Variants in PCDHGA7 observed in about 807,000 individuals in gnomAD.
PCDHGA7 encodes protocadherin gamma-A7.
Under a neutral mutation model 58.3 loss-of-function variants are expected in PCDHGA7, and 44 were observed. The observed-to-expected ratio is 0.75, with a 90% CI of 0.59 to 0.97. The LOEUF is 0.97. Ranked by LOEUF, PCDHGA7 falls within the 50% of genes least tolerant of loss-of-function variation. The pLI, the probability that PCDHGA7 is intolerant of heterozygous loss-of-function variation, is 0.00. For missense variants in PCDHGA7, 1,266 were observed against 1,188.7 expected, an observed-to-expected ratio of 1.06 and a Z score of -0.96; for synonymous variants, 516 against 504.2, an observed-to-expected ratio of 1.02 and a Z score of -0.31.
intron 1 of PCDHGA7, chr5:141,420,165 C>T: frequency 6.2e-7 from 1 of 1,614,022 alleles, no homozygotes; most frequent in South Asian, 1.1e-5. Flanking sequence ...AATTTTTTCA[C>T]ATCTGTTGAT....
intron 1 of PCDHGA7, chr5:141,399,769 G>A (rs369379702): frequency 2.6e-5 from 42 of 1,613,216 alleles, no homozygotes; most frequent in Non-Finnish European, 3.5e-5. Flanking sequence ...GCGCGTGTTG[G>A]TGGGCGACCG....
chr5:141,470,791 A>G (rs1234712958), intron 1 of PCDHGA7, among the ~76,000 whole-genome samples: 3 of 152,152 alleles, frequency 2.0e-5, no homozygotes, highest in African/African-American at 7.2e-5. Context: ...GGGCTCAAGC[A>G]ATCCTCCCAC....
chr5:141,418,759 C>T (rs527475797), intron 1 of PCDHGA7: 17 of 1,613,898 alleles, frequency 1.1e-5, no homozygotes, highest in Non-Finnish European at 1.4e-5. Flanking sequence ...CTACAGGAAA[C>T]ATTCTAACTC....
chr5:141,406,662 AT>A (rs2094837131), intron 1 of PCDHGA7, among the ~76,000 whole-genome samples: 1 of 152,208 alleles, frequency 6.6e-6, no homozygotes, highest in African/African-American at 2.4e-5. Flanking sequence ...TTAATGTTAA[AT>A]TATGGAGAAT....
chr5:141,388,636 T>G, intron 1 of PCDHGA7: 1 of 1,613,918 alleles, frequency 6.2e-7, no homozygotes. Context: ...AGGGTGAGCC[T>G]TTCAGAAAAC....
intron 1 of PCDHGA7, among the ~76,000 whole-genome samples, chr5:141,433,761 T>G (rs2154555909): frequency 6.7e-6 from 1 of 148,664 alleles, no homozygotes; most frequent in Admixed American, 6.8e-5. Context: ...TGCTTTAACC[T>G]GGGAGGTGGA....
At chr5:141,389,338 T>C in intron 1 of PCDHGA7, 1 of 1,613,982 alleles carries the variant, frequency 6.2e-7, no homozygotes, top group South Asian at 1.1e-5. Flanking sequence ...AACGGCCAAG[T>C]CTCTTACTGC....
At chr5:141,413,592 A>G in intron 1 of PCDHGA7, 1 of 1,613,916 alleles carries the variant, frequency 6.2e-7, no homozygotes, top group Non-Finnish European at 8.5e-7. Context: ...AATTCCAAGC[A>G]GAAAATCTAG....
At chr5:141,389,032 A>C in intron 1 of PCDHGA7, 1 of 1,613,974 alleles carries the variant, frequency 6.2e-7, no homozygotes, top group Non-Finnish European at 8.5e-7. Flanking sequence ...GTGACTTGTA[A>C]ATTGGAAGGT....
chr5:141,405,410 TTTTTGTTTTTTG>T lies in PCDHGA7; in HGVS notation c.2424+20097_2424+20108del, dbSNP rs1345529499. 4 of 1,557,296 alleles carry T rather than the reference TTTTTGTTTTTTG, an allele frequency of 2.6e-6. No individual in the cohort carries two copies. In the South Asian group the frequency reaches 4.6e-5, roughly 18 times the overall value. ...ATTTTTTTTCTTTCTTTCTTTTCTT[TTTTTGTTTTTTG>T]TTTTGTTTTGTTTTTGAGACAGAGT... On this transcript the variant is annotated intron_variant, in intron 1 of 3. Transcript: ENST00000518325.
chr5:141,462,354 C>T (rs1157515386), intron 1 of PCDHGA7, among the ~76,000 whole-genome samples: 1 of 152,162 alleles, frequency 6.6e-6, no homozygotes, highest in Non-Finnish European at 1.5e-5. Flanking sequence ...CAAAAATATA[C>T]ATTGTATAGT....
At position 141,432,297 on chromosome 5, in the gene PCDHGA7, T is replaced by C. The variant is rs1339659774; in HGVS notation, c.2424+46974T>C. 3.1e-6 allele frequency: 5 copies of C among 1,614,040 alleles called. No individual in the cohort carries two copies. The highest frequency in any genetic ancestry group is 1.7e-5 in the Admixed American group (1 of 60,006). ...GTGTCCATCAACTCCGACACTGGGG[T>C]ACTGTATGCGCTGAGCTCCTTCGAC... On this transcript the variant is annotated intron_variant, in intron 1 of 3. Transcript: ENST00000518325. This position sits in a 1 kb window ranked among gnomAD's most constrained non-coding sequence, Gnocchi z 6.0.
Position 141,489,784 on chromosome 5 carries a change from G to A in PCDHGA7, c.2425-5023G>A. 1 of 1,614,218 alleles carries A rather than the reference G, an allele frequency of 6.2e-7. No individual in the cohort carries two copies. Among genetic ancestry groups the A allele is most frequent in the Non-Finnish European group, 8.5e-7 (1 of 1,180,010 alleles). On this transcript the variant is annotated intron_variant, in intron 1 of 3. Transcript: ENST00000518325. This position sits in a 1 kb window ranked among gnomAD's most constrained non-coding sequence, Gnocchi z 4.5. ...CCCCAACAGCCACTTCTCTCTGAAT[G>A]TGAAGACCCTAAAAGATGGGAAGCC...
chr5:141,433,223 T>C lies in PCDHGA7; in HGVS notation c.2424+47900T>C, dbSNP rs2097577369. On this transcript the variant is annotated intron_variant, in intron 1 of 3. Coordinates refer to ENST00000518325, the MANE Select transcript of PCDHGA7 (RefSeq NM_018920.4). The stretch of plus-strand genomic sequence containing the variant: ...AATCTTCTTTCTTTTTTTTTTTTAA[T>C]TGCTCTGTCTCCCAAGCTGGAATGC... The C allele has an allele frequency of 4.6e-6, 7 of 1,525,952 alleles. No individual in the cohort carries two copies. In the East Asian group the frequency reaches 1.6e-4, roughly 34 times the overall value. The allele number at this position is 1,525,952 out of a possible 1,614,324, so 94.5% of individuals were successfully genotyped here. A position where few individuals can be genotyped will look rare whatever the true frequency, so the allele number is the denominator to read the frequency against.
intron 1 of PCDHGA7, chr5:141,422,092 G>T: frequency 6.2e-7 from 1 of 1,611,520 alleles, no homozygotes; most frequent in Non-Finnish European, 8.5e-7. Context: ...GGAAAGCAAG[G>T]CTTCTGAAAT....
intron 1 of PCDHGA7, chr5:141,394,857 G>A: frequency 6.2e-7 from 1 of 1,613,832 alleles, no homozygotes; most frequent in Non-Finnish European, 8.5e-7. Context: ...GAAGCCTTCG[G>A]TCGACCCGAA....
Position 141,477,554 on chromosome 5 carries a change from A to T in PCDHGA7, c.2425-17253A>T. The T allele has an allele frequency of 6.2e-7, 1 of 1,614,112 alleles. No homozygotes were observed. Among genetic ancestry groups the T allele is most frequent in the South Asian group, 1.1e-5 (1 of 91,086 alleles). Reference sequence around the variant, plus strand: ...CCCCGGGGCTCCAATACTAAACCTAAGTGTCTGGGACCCCGACGCCCCGCA... The same window carrying T: ...CCCCGGGGCTCCAATACTAAACCTATGTGTCTGGGACCCCGACGCCCCGCA... On this transcript the variant is annotated intron_variant, in intron 1 of 3. Transcript: ENST00000518325. This position sits in a 1 kb window ranked among gnomAD's most constrained non-coding sequence, Gnocchi z 4.9.
Position 141,431,449 on chromosome 5 carries a change from G to A in PCDHGA7, c.2424+46126G>A. Reference sequence around the variant, plus strand: ...GCACAGGCACCGCGCGCATCCGCGTGATGGTTCTGGATGCGAACGACAACG... The same window carrying A: ...GCACAGGCACCGCGCGCATCCGCGTAATGGTTCTGGATGCGAACGACAACG... On this transcript the variant is annotated intron_variant, in intron 1 of 3. Coordinates refer to ENST00000518325, the MANE Select transcript of PCDHGA7 (RefSeq NM_018920.4). The surrounding 1 kb of genome is among the most constrained non-coding windows in gnomAD (Gnocchi z 4.8). The A allele has an allele frequency of 6.2e-7, 1 of 1,613,742 alleles. No individual in the cohort carries two copies. Among genetic ancestry groups the A allele is most frequent in the South Asian group, 1.1e-5 (1 of 91,082 alleles).
In PCDHGA7 at chr5:141,414,101, A is replaced by G. The variant is rs759223225; in HGVS notation, c.2424+28778A>G. On this transcript the variant is annotated intron_variant, in intron 1 of 3. Transcript: ENST00000518325. ...TATACTGGAGAAATAAAAATATCAG[A>G]AAATCTAGATTATGAAGAAACCGGT... 1.9e-6 allele frequency: 3 copies of G among 1,593,930 alleles called. No individual in the cohort carries two copies. The African/African-American group carries it at 4.0e-5, about 21-fold the overall frequency.
Sources: gnomAD v4.1 joint callset for allele counts (sites outside exome capture counted in the v4.1 genomes callset) on GRCh38, gnomAD v4.1.1 for gene constraint, Gnocchi (gnomAD v3.1) non-coding constraint, MANE v1.5 for transcripts, NCBI Gene and HGNC (gene_info 2026-07-23, HGNC 2026-07-21) for gene names.